MTA3: variants seen among roughly 807,000 people sequenced by gnomAD.
The protein encoded by MTA3 is metastasis-associated protein MTA3.
Under a neutral mutation model 83.5 loss-of-function variants are expected in MTA3, and 34 were observed. The observed-to-expected ratio is 0.41, with a 90% CI of 0.31 to 0.54. The LOEUF (loss-of-function observed/expected upper bound fraction) is 0.54. Ranked by LOEUF, MTA3 falls within the 20% of genes least tolerant of loss-of-function variation. The pLI, the probability that MTA3 is intolerant of heterozygous loss-of-function variation, is 0.33. For synonymous variants in MTA3, 303 were observed against 252.7 expected (o/e 1.20, Z -1.89); for missense variants, 761 against 726.4 (o/e 1.05, Z -0.55).
intron 4 of MTA3, among the ~76,000 whole-genome samples, chr2:42,633,721 C>A (rs1172075888): frequency 2.0e-5 from 3 of 151,986 alleles, no homozygotes; most frequent in Admixed American, 6.6e-5. Flanking sequence ...GAAACCCCGT[C>A]TCTACTAAAA....
intron 2 of MTA3, among the ~76,000 whole-genome samples, chr2:42,556,826 G>T (rs1337413308): frequency 6.6e-6 from 1 of 152,152 alleles, no homozygotes; most frequent in Non-Finnish European, 1.5e-5. Context: ...CTTCAGCATT[G>T]CTCTGACCTC....
intron 2 of MTA3, among the ~76,000 whole-genome samples, chr2:42,529,017 C>T (rs541752098): frequency 5.9e-5 from 9 of 152,330 alleles, no homozygotes; most frequent in African/African-American, 2.2e-4. Context: ...CCTGTTTACA[C>T]ATCCCGTTAA....
intron 16 of MTA3, among the ~76,000 whole-genome samples, chr2:42,727,264 T>A (rs1667896125): frequency 6.6e-6 from 1 of 151,812 alleles, no homozygotes. Context: ...GTGCAAGGAG[T>A]CAGTAATGAT....
chr2:42,559,537 A>C (rs896023068), intron 2 of MTA3, among the ~76,000 whole-genome samples: 3 of 150,420 alleles, frequency 2.0e-5, no homozygotes, highest in Non-Finnish European at 1.5e-5. Flanking sequence ...TTCCCATTTC[A>C]TCTCTTATAT....
At chr2:42,682,324 T>G in intron 8 of MTA3, 77 bp from the exon 9 acceptor site, 1 of 1,047,478 alleles carries the variant, frequency 9.5e-7, no homozygotes. Context: ...CATCATATAT[T>G]TTAGTGTTTA....
chr2:42,562,786 G>A (rs1475042802), intron 2 of MTA3, among the ~76,000 whole-genome samples: 3 of 152,136 alleles, frequency 2.0e-5, no homozygotes, highest in Non-Finnish European at 2.9e-5. Context: ...CCAGCTCAGA[G>A]CTCCCTCCTA....
rs114731079 is a variant in MTA3 at position 42,630,071 on chromosome 2, C to T, written c.318-10102C>T. ...GATTACAGGCATGAGCTAACACACC[C>T]GGCAAAAAACAATTTAAGCGATCCT... On this transcript the variant is annotated intron_variant, in intron 4 of 16. Coordinates refer to ENST00000405094, the MANE Select transcript of MTA3 (RefSeq NM_001330442.2). Among the ~76,000 whole-genome samples, 803 of 152,110 alleles carry T rather than the reference C, an allele frequency of 5.3e-3. 3 individuals carry two copies. Among genetic ancestry groups the T allele is most frequent in the African/African-American group, 0.017 (718 of 41,484 alleles).
chr2:42,664,561 C>A (rs1006545532), intron 8 of MTA3, among the ~76,000 whole-genome samples: 2 of 133,154 alleles, frequency 1.5e-5, no homozygotes, highest in African/African-American at 5.7e-5. Flanking sequence ...GCAACCTCTG[C>A]TTCCTGGGTT....
chr2:42,600,216 C>G (rs184733097), intron 3 of MTA3, among the ~76,000 whole-genome samples: 47 of 151,868 alleles, frequency 3.1e-4, no homozygotes, highest in African/African-American at 1.0e-3. Context: ...CAAAACAAAA[C>G]AAAAAAACTT....
At chr2:42,647,039 C>G (rs1248057815) in intron 6 of MTA3, among the ~76,000 whole-genome samples, 1 of 149,696 alleles carries the variant, frequency 6.7e-6, no homozygotes, top group Non-Finnish European at 1.5e-5. Flanking sequence ...GCCTATAGTC[C>G]CAGCTACTCG....
chr2:42,535,832 C>G (rs1033664021), intron 2 of MTA3, among the ~76,000 whole-genome samples: 15 of 147,350 alleles, frequency 1.0e-4, no homozygotes, highest in East Asian at 4.0e-4. Context: ...AAAAATGGAG[C>G]CACTGGCTGG....
At chr2:42,667,578 G>T (rs370170934) in intron 8 of MTA3, among the ~76,000 whole-genome samples, 2 of 129,808 alleles carry the variant, frequency 1.5e-5, no homozygotes, top group African/African-American at 5.7e-5. Context: ...AATTGTGTGT[G>T]TGTGTGTGTG....
chr2:42,557,960 G>A (rs1327934562), intron 2 of MTA3, among the ~76,000 whole-genome samples: 1 of 152,092 alleles, frequency 6.6e-6, no homozygotes, highest in African/African-American at 2.4e-5. Context: ...ATTTTGAGCT[G>A]CCTAGCACCT....
At position 42,538,767 on chromosome 2, in the gene MTA3, G is replaced by GTT. The variant is rs1306095679; in HGVS notation, c.-140-31662_-140-31661dup. ...AGAAAAAGAAAAAAATGTTTTTTTTGTTTTTTTTTGTTTTTTTTGAGACGG... is the reference window on the plus strand; with the variant it reads ...AGAAAAAGAAAAAAATGTTTTTTTTGTTTTTTTTTTTGTTTTTTTTGAGACGG... On this transcript the variant is annotated intron_variant, in intron 2 of 17. Coordinates refer to the MTA3 transcript ENST00000405592. 1.2e-3 allele frequency among the ~76,000 whole-genome samples: 86 copies of GTT among 72,678 alleles called. 1 individual carries two copies. Among genetic ancestry groups the GTT allele is most frequent in the Non-Finnish European group, 1.8e-3 (67 of 37,540 alleles). The allele number at this position is 72,678 out of a possible 152,430, so 47.7% of individuals were successfully genotyped here. A position where few individuals can be genotyped will look rare whatever the true frequency, so the allele number is the denominator to read the frequency against.
chr2:42,698,184 A>G (rs904261963), intron 11 of MTA3, among the ~76,000 whole-genome samples: 2 of 152,196 alleles, frequency 1.3e-5, no homozygotes, highest in Non-Finnish European at 2.9e-5. Context: ...GGTAATGCAT[A>G]CTGCTCTTTG....
At chr2:42,647,594 CT>C (rs1274508014) in intron 6 of MTA3, among the ~76,000 whole-genome samples, 1 of 151,668 alleles carries the variant, frequency 6.6e-6, no homozygotes, top group Non-Finnish European at 1.5e-5. Context: ...CAAGGAATGC[CT>C]TTCCTTTCTT....
rs564708138 is a variant in MTA3, at chr2:42,687,044, T to G, written c.891+4455T>G. On this transcript the variant is annotated intron_variant, in intron 9 of 16. Coordinates refer to ENST00000405094, the MANE Select transcript of MTA3 (RefSeq NM_001330442.2). ...CAGGAGGCTGAGGCATGAGAATTGCTTGAACCCAGGAGGCAGAGGTTGCAG... is the reference window on the plus strand; with the variant it reads ...CAGGAGGCTGAGGCATGAGAATTGCGTGAACCCAGGAGGCAGAGGTTGCAG... Among the ~76,000 whole-genome samples the G allele has an allele frequency of 4.6e-5, 7 of 152,106 alleles. No homozygotes were observed. The South Asian group carries it at 1.5e-3, about 32-fold the overall frequency.
chr2:42,748,917 T>C (rs1669648964), intron 16 of MTA3, among the ~76,000 whole-genome samples: 1 of 152,234 alleles, frequency 6.6e-6, no homozygotes, highest in Non-Finnish European at 1.5e-5. Context: ...GCCTCACATA[T>C]TTCAATTTTG....
At chr2:42,679,915 C>T (rs567074562) in intron 8 of MTA3, among the ~76,000 whole-genome samples, 6 of 150,310 alleles carry the variant, frequency 4.0e-5, no homozygotes, top group African/African-American at 7.4e-5. Flanking sequence ...ATAGATGATT[C>T]TAAGTGTGTT....
Sources: allele counts gnomAD v4.1 joint callset (sites outside exome capture counted in the v4.1 genomes callset), GRCh38; gene constraint gnomAD v4.1.1; transcripts MANE v1.5; gene names NCBI Gene and HGNC (gene_info 2026-07-23, HGNC 2026-07-21).